FAM50B: variants seen among roughly 807,000 people sequenced by gnomAD.
FAM50B encodes the protein protein FAM50B.
Under a neutral mutation model 25.4 loss-of-function variants are expected in FAM50B, and 9 were observed. The observed-to-expected ratio is 0.35, with a 90% CI of 0.21 to 0.62. The LOEUF (loss-of-function observed/expected upper bound fraction) is 0.62, where lower values mean the gene tolerates loss of function less well. FAM50B is among the 20% of genes least tolerant of loss of function. The pLI, the probability that FAM50B is intolerant of heterozygous loss-of-function variation, is 0.73. For synonymous variants in FAM50B, 212 were observed against 204.3 expected, an observed-to-expected ratio of 1.04 and a Z score of -0.32; for missense variants, 372 against 477.9, an observed-to-expected ratio of 0.78 and a Z score of 2.07.
the FAM50B span, among the ~76,000 whole-genome samples, chr6:3,842,207 AGAG>A: frequency 6.6e-6 from 1 of 152,238 alleles, no homozygotes; most frequent in African/African-American, 2.4e-5. Context: ...ATTGAAAACA[AGAG>A]GAGAGGACTG....
At chr6:3,833,844 T>C in the FAM50B span, 1 of 152,220 alleles carries the variant, frequency 6.6e-6, no homozygotes, top group Non-Finnish European at 1.5e-5. Flanking sequence ...CCATGTGGCC[T>C]CTGATCTTTT....
At chr6:3,843,034 A>G in the FAM50B span, among the ~76,000 whole-genome samples, 3 of 152,186 alleles carry the variant, frequency 2.0e-5, no homozygotes, top group Non-Finnish European at 4.4e-5. Context: ...GCATTTTGCC[A>G]TTCTATTTAT....
At chr6:3,836,024 T>G in the FAM50B span, among the ~76,000 whole-genome samples, 1 of 152,208 alleles carries the variant, frequency 6.6e-6, no homozygotes, top group African/African-American at 2.4e-5. Flanking sequence ...GTGTTGTCAG[T>G]GTCAGTAGTA....
upstream of FAM50B, among the ~76,000 whole-genome samples, chr6:3,848,300 T>TA (rs912397170): frequency 1.2e-4 from 19 of 152,050 alleles, no homozygotes; most frequent in East Asian, 3.9e-4. Context: ...GGCTTTAGAT[T>TA]AAAAAAAATG....
the FAM50B span, among the ~76,000 whole-genome samples, chr6:3,837,276 A>G: frequency 6.6e-6 from 1 of 152,222 alleles, no homozygotes; most frequent in East Asian, 1.9e-4. Context: ...AAGACAAGAG[A>G]AGAAAAAGAG....
At chr6:3,833,306 C>A in the FAM50B span, among the ~76,000 whole-genome samples, 6 of 152,140 alleles carry the variant, frequency 3.9e-5, no homozygotes, top group Non-Finnish European at 7.4e-5. Context: ...GCCTCGCTAC[C>A]AACTAGATGA....
chr6:3,850,546 G>T lies in FAM50B; in HGVS notation c.735G>T (p.Pro245=). 1.2e-6 allele frequency: 2 copies of T among 1,614,046 alleles called. No individual in the cohort carries two copies. The highest frequency in any genetic ancestry group is 1.1e-5 in the South Asian group (1 of 91,082). Residue 245 remains proline, a synonymous_variant, in exon 2 of 2, where the codon CCG becomes CCT. Coordinates refer to ENST00000648326, the MANE Select transcript of FAM50B (RefSeq NM_012135.3). ...TCATCAAGGAGGACCTCATCCTGCCGCACTACCACACCTTCTACGACTTCA... is the reference window on the plus strand; with the variant it reads ...TCATCAAGGAGGACCTCATCCTGCCTCACTACCACACCTTCTACGACTTCA... ...LMFIKEDLIL[P]HYHTFYDFII...
chr6:3,845,872 C>T (rs1331695284), upstream of FAM50B, among the ~76,000 whole-genome samples: 1 of 152,140 alleles, frequency 6.6e-6, no homozygotes, highest in African/African-American at 2.4e-5. Flanking sequence ...TGCACCACCA[C>T]ACCCAGCTAA....
At chr6:3,833,388 C>A in the FAM50B span, among the ~76,000 whole-genome samples, 2 of 152,202 alleles carry the variant, frequency 1.3e-5, no homozygotes, top group Non-Finnish European at 2.9e-5. Flanking sequence ...GTGTTAGCAG[C>A]TACTGATCTT....
the FAM50B span, among the ~76,000 whole-genome samples, chr6:3,837,157 G>A: frequency 1.3e-5 from 2 of 152,176 alleles, no homozygotes; most frequent in Non-Finnish European, 2.9e-5. Flanking sequence ...GAAAATGTTT[G>A]TGGCCTTGGT....
rs756536862 is a variant in FAM50B at position 3,850,240 on chromosome 6, C to G, written c.429C>G (p.Gly143=). Residue 143 remains glycine, a synonymous_variant, in exon 2 of 2, where the codon GGC becomes GGG. Coordinates refer to ENST00000648326, the MANE Select transcript of FAM50B (RefSeq NM_012135.3). The part of the protein sequence containing the change: ...AAEARRAGNL[G]KNPDVDTSFL... ...AGGCCAGGCGCGCCGGAAACCTGGG[C>G]AAGAACCCCGACGTGGACACCAGCT... 1.2e-6 allele frequency: 2 copies of G among 1,613,134 alleles called. No individual in the cohort carries two copies. Among genetic ancestry groups the G allele is most frequent in the African/African-American group, 2.7e-5 (2 of 74,932 alleles).
chr6:3,846,400 T>G (rs905138362), upstream of FAM50B, among the ~76,000 whole-genome samples: 6 of 152,218 alleles, frequency 3.9e-5, no homozygotes, highest in Admixed American at 6.5e-5. Context: ...CATAATTTCA[T>G]TAAAAATACT....
rs1272154925 is a variant in FAM50B, at chr6:3,849,386, A to C, written c.-124A>C. The C allele has an allele frequency of 1.8e-5, 3 of 164,950 alleles. No homozygotes were observed. The highest frequency in any genetic ancestry group is 3.9e-5 in the Non-Finnish European group (3 of 76,410). 10.2% of individuals were successfully genotyped at this position (164,950 alleles called of 1,614,324 possible). On this transcript the variant is annotated 5_prime_UTR_variant, in exon 1 of 2. Transcript: ENST00000648326. ...CGCACCGCCTCCACTTCCTGTGTCC[A>C]CGGCTGTCGCGAGAGCCCGGGGCGA...
Position 3,850,213 on chromosome 6 carries a change from C to T in FAM50B, c.402C>T (p.Ala134=), listed in dbSNP as rs778972917. The T allele has an allele frequency of 6.2e-7, 1 of 1,613,318 alleles. No homozygotes were observed. Among genetic ancestry groups the T allele is most frequent in the Non-Finnish European group, 8.5e-7 (1 of 1,179,870 alleles). Residue 134 remains alanine, a synonymous_variant, in exon 2 of 2, where the codon GCC becomes GCT. Coordinates refer to ENST00000648326, the MANE Select transcript of FAM50B (RefSeq NM_012135.3). ...LDDLDDQADA[A]EARRAGNLGK... is the part of the protein sequence containing the mutation. ...ACCTCGATGACCAGGCCGACGCGGCCGAGGCCAGGCGCGCCGGAAACCTGG... is the reference window on the plus strand; with the variant it reads ...ACCTCGATGACCAGGCCGACGCGGCTGAGGCCAGGCGCGCCGGAAACCTGG...
At chr6:3,841,681 C>T in the FAM50B span, among the ~76,000 whole-genome samples, 326 of 152,348 alleles carry the variant, frequency 2.1e-3, 11 homozygotes, top group South Asian at 0.048. Context: ...CCAAAGTCAA[C>T]ACTAGGTTCA....
In FAM50B at chr6:3,850,573, C is replaced by T. The variant is rs372713736; in HGVS notation, c.762C>T (p.Ile254=). 2.3e-5 allele frequency: 37 copies of T among 1,613,994 alleles called. No homozygotes were observed. Among genetic ancestry groups the T allele is most frequent in the Middle Eastern group, 1.6e-4 (1 of 6,084 alleles). Residue 254 remains isoleucine (I), a synonymous_variant, in exon 2 of 2, where the codon ATC becomes ATT. Transcript: ENST00000648326. ...LPHYHTFYDF[I]IARARGKSGP... ...ACTACCACACCTTCTACGACTTCAT[C>T]ATCGCCAGGGCGAGGGGCAAGAGCG...
the FAM50B span, among the ~76,000 whole-genome samples, chr6:3,832,403 A>G: frequency 6.6e-6 from 1 of 152,218 alleles, no homozygotes. Context: ...CCCACTTAAA[A>G]TGTTCTCCTC....
At chr6:3,834,112 C>G in the FAM50B span, among the ~76,000 whole-genome samples, 1 of 151,840 alleles carries the variant, frequency 6.6e-6, no homozygotes, top group Non-Finnish European at 1.5e-5. Context: ...TTGGTACCGA[C>G]TGACAGTATG....
At chr6:3,843,012 T>C in the FAM50B span, among the ~76,000 whole-genome samples, 2 of 152,244 alleles carry the variant, frequency 1.3e-5, no homozygotes. Flanking sequence ...CATTTGTTAA[T>C]ATTTTGTTTG....
Sources: allele counts gnomAD v4.1 joint callset (sites outside exome capture counted in the v4.1 genomes callset), GRCh38; gene constraint gnomAD v4.1.1; transcripts MANE v1.5; gene names NCBI Gene and HGNC (gene_info 2026-07-23, HGNC 2026-07-21).